The following BPIFB1 variants were observed in gnomAD, a reference collection of about 807,000 sequenced individuals.
The protein encoded by BPIFB1 is BPI fold containing family B member 1.
In BPIFB1, 34 loss-of-function variants were observed where a neutral mutation model predicts 55.1. That is an observed-to-expected ratio of 0.62 (90% confidence interval 0.47 to 0.82). The LOEUF (loss-of-function observed/expected upper bound fraction) is 0.82, where lower values mean the gene tolerates loss of function less well. BPIFB1 is among the 40% of genes least tolerant of loss of function. BPIFB1 has a pLI of 0.00. For synonymous variants in BPIFB1, 236 were observed against 245.3 expected (o/e 0.96, Z 0.35); for missense variants, 532 against 593.1 (o/e 0.90, Z 1.07).
intron 15 of BPIFB1, chr20:33,308,030 T>A (rs975971678): frequency 6.6e-6 from 1 of 152,220 alleles, no homozygotes; most frequent in Admixed American, 6.5e-5. Context: ...TGCTGGCATC[T>A]GCTCAGCTTC....
intron 9 of BPIFB1, among the ~76,000 whole-genome samples, chr20:33,301,917 G>A (rs1394752509): frequency 6.6e-6 from 1 of 152,100 alleles, no homozygotes; most frequent in African/African-American, 2.4e-5. Flanking sequence ...GGTGACTGAC[G>A]GGGAAATTGA....
intron 2 of BPIFB1, 112 bp from the exon 3 acceptor site, chr20:33,288,629 C>T (rs1177248235): frequency 1.0e-5 from 13 of 1,298,988 alleles, no homozygotes; most frequent in East Asian, 7.1e-5. Context: ...TGGCTACACC[C>T]TCGCCTTACC....
intron 1 of BPIFB1, among the ~76,000 whole-genome samples, chr20:33,284,812 G>A (rs1289063056): frequency 1.3e-5 from 2 of 152,150 alleles, no homozygotes. Flanking sequence ...AGGGGACAGA[G>A]CAGCCAAGGG....
intron 4 of BPIFB1, among the ~76,000 whole-genome samples, chr20:33,290,573 T>C (rs1980433369): frequency 6.6e-6 from 1 of 151,842 alleles, no homozygotes; most frequent in Non-Finnish European, 1.5e-5. Flanking sequence ...GAGAGAGAAG[T>C]CAACGATGAC....
rs770271360 is a variant in BPIFB1 at position 33,291,045 on chromosome 20, C to T, written c.454C>T (p.Arg152Cys). Residue 152 changes from arginine (R) to cysteine (C), a missense_variant, in exon 5 of 16, where the codon CGC (arginine) becomes TGC (cysteine). Coordinates refer to ENST00000253354, the MANE Select transcript of BPIFB1 (RefSeq NM_033197.3). Reference sequence around the variant, plus strand: ...GGACACCAGTGCAAGTGGCCCCACCCGCCTGGTCCTCAGTGACTGTGCCAC... The same window carrying T: ...GGACACCAGTGCAAGTGGCCCCACCTGCCTGGTCCTCAGTGACTGTGCCAC... ...RMDTSASGPTRLVLSDCATSH... is the reference protein window; with the variant it reads ...RMDTSASGPTCLVLSDCATSH... 18 of 1,613,584 alleles carry T rather than the reference C, an allele frequency of 1.1e-5. No individual in the cohort carries two copies. The highest frequency in any genetic ancestry group is 1.6e-4 in the Middle Eastern group (1 of 6,082).
chr20:33,291,985 C>G lies in BPIFB1; in HGVS notation c.594C>G (p.Asn198Lys). The G allele has an allele frequency of 6.2e-7, 1 of 1,614,114 alleles. No homozygotes were observed. Among genetic ancestry groups the G allele is most frequent in the Non-Finnish European group, 8.5e-7 (1 of 1,179,920 alleles). Reference protein sequence around the residue: ...LVPSLPNLVKNQLCPVIEASF... With the variant: ...LVPSLPNLVKKQLCPVIEASF... ...CATCCCTGCCCAATCTAGTGAAAAA[C>G]CAGGTGAGTGGAATCAGGGCCTCTC... Residue 198 changes from asparagine to lysine, a missense_variant, in exon 6 of 16, where the codon AAC becomes AAG. Physicochemically the swap from Asn to Lys is moderately conservative, Grantham distance 94 (BLOSUM62 0). Coordinates refer to ENST00000253354, the MANE Select transcript of BPIFB1 (RefSeq NM_033197.3).
intron 7 of BPIFB1, among the ~76,000 whole-genome samples, chr20:33,299,485 A>G (rs769800838): frequency 2.0e-5 from 3 of 152,216 alleles, no homozygotes; most frequent in Admixed American, 6.5e-5. Context: ...CGCGGCTTTC[A>G]GTCTGGTAGG....
At chr20:33,285,319 G>A (rs991357933) in intron 1 of BPIFB1, among the ~76,000 whole-genome samples, 1 of 152,066 alleles carries the variant, frequency 6.6e-6, no homozygotes, top group Non-Finnish European at 1.5e-5. Context: ...GTCAGCAGAC[G>A]GTGAACCATA....
chr20:33,303,101 C>T, intron 11 of BPIFB1, 27 bp downstream of exon 11: 1 of 1,611,224 alleles, frequency 6.2e-7, no homozygotes. Context: ...GCGATATTGG[C>T]AGCAACCAGG....
intron 8 of BPIFB1, 93 bp from the exon 9 acceptor site, chr20:33,301,140 A>G: frequency 7.7e-7 from 1 of 1,302,888 alleles, no homozygotes; most frequent in Admixed American, 2.1e-5. Flanking sequence ...CACAAAAAGG[A>G]AACAGGCTGA....
chr20:33,307,062 C>A, intron 15 of BPIFB1, 75 bp downstream of exon 15: 1 of 1,377,378 alleles, frequency 7.3e-7, no homozygotes, highest in Non-Finnish European at 1.0e-6. Flanking sequence ...GGAGGTGGGG[C>A]CTGCACTCCA....
rs1056578045 is a variant in BPIFB1 at position 33,286,138 on chromosome 20, C to T, written c.65C>T (p.Thr22Ile). Residue 22 changes from threonine (T) to isoleucine (I), a missense_variant, in exon 2 of 16, where the codon ACC becomes ATC. Transcript: ENST00000253354. ...GLLAATLIQATLSPTAVLILG... is the reference protein window; with the variant it reads ...GLLAATLIQAILSPTAVLILG... Reference sequence around the variant, plus strand: ...CTGGCAGCCACCTTGATCCAAGCCACCCTCAGTCCCACTGCAGTTCTCATC... The same window carrying T: ...CTGGCAGCCACCTTGATCCAAGCCATCCTCAGTCCCACTGCAGTTCTCATC... The T allele has an allele frequency of 1.2e-6, 2 of 1,614,096 alleles. No individual in the cohort carries two copies. Among genetic ancestry groups the T allele is most frequent in the African/African-American group, 2.7e-5 (2 of 74,932 alleles).
chr20:33,292,631 G>A (rs942496904), intron 6 of BPIFB1, among the ~76,000 whole-genome samples: 1 of 152,198 alleles, frequency 6.6e-6, no homozygotes, highest in Non-Finnish European at 1.5e-5. Flanking sequence ...GCTGGCTCTA[G>A]CACGGCACTG....
intron 8 of BPIFB1, among the ~76,000 whole-genome samples, chr20:33,300,509 GGAGCTGCA>G (rs1233504407): frequency 7.2e-5 from 11 of 152,234 alleles, no homozygotes; most frequent in Non-Finnish European, 1.5e-4. Flanking sequence ...TGTCCAATGT[GGAGCTGCA>G]CAGCCATGCT....
intron 5 of BPIFB1, 106 bp downstream of exon 5, chr20:33,291,212 G>C (rs917780595): frequency 1.4e-6 from 2 of 1,394,306 alleles, no homozygotes; most frequent in Non-Finnish European, 1.9e-6. Context: ...CCTAGAGAAA[G>C]AAAGGGACTT....
Position 33,309,738 on chromosome 20 carries a change from T to C in BPIFB1, c.1426T>C (p.Trp476Arg). 1.2e-6 allele frequency: 2 copies of C among 1,614,186 alleles called. No individual in the cohort carries two copies. The highest frequency in any genetic ancestry group is 1.7e-6 in the Non-Finnish European group (2 of 1,179,998). Residue 476 changes from tryptophan to arginine, a missense_variant, in exon 16 of 16, where the codon TGG (tryptophan) becomes CGG (arginine). Transcript: ENST00000253354. This position sits in a 1 kb window ranked among gnomAD's most constrained non-coding sequence, Gnocchi z 4.4. ...DALVLTPASL[W>R]KPSSPVSQ ...CCTTGTGCTTACTCCAGCCTCCTTG[T>C]GGAAACCCAGCTCTCCTGTCTCCCA...
At chr20:33,303,154 T>G (rs996038297) in intron 11 of BPIFB1, 80 bp downstream of exon 11, 18 of 1,551,256 alleles carry the variant, frequency 1.2e-5, no homozygotes, top group Non-Finnish European at 1.6e-5. Context: ...TCTTGCTTTG[T>G]TAAACATTTC....
intron 15 of BPIFB1, chr20:33,307,774 C>G (rs1301366690): frequency 6.6e-6 from 1 of 152,116 alleles, no homozygotes; most frequent in African/African-American, 2.4e-5. Flanking sequence ...ATTAGCTGGG[C>G]GTGATGGCGG....
chr20:33,299,671 T>C (rs896813268), intron 7 of BPIFB1, among the ~76,000 whole-genome samples: 9 of 152,208 alleles, frequency 5.9e-5, no homozygotes, highest in Admixed American at 4.6e-4. Context: ...TTCCTAACGT[T>C]ATCATGCAGA....
Sources: gnomAD v4.1 joint callset for allele counts (sites outside exome capture counted in the v4.1 genomes callset) on GRCh38, gnomAD v4.1.1 for gene constraint, Gnocchi (gnomAD v3.1) non-coding constraint, MANE v1.5 for transcripts, NCBI Gene and HGNC (gene_info 2026-07-23, HGNC 2026-07-21) for gene names.